The following KSR2 variants were observed in gnomAD, a reference collection of about 807,000 sequenced individuals.
The protein encoded by KSR2 is kinase suppressor of ras 2.
In KSR2, 25 loss-of-function variants were observed where a neutral mutation model predicts 107.8. That is an observed-to-expected ratio of 0.23 (90% CI 0.17 to 0.32). The LOEUF (loss-of-function observed/expected upper bound fraction) is 0.32. KSR2 is among the 10% of genes least tolerant of loss of function. The pLI is 1.00. For synonymous variants in KSR2, 480 were observed against 507.0 expected (o/e 0.95, Z 0.71); for missense variants, 887 against 1,268.9 (o/e 0.70, Z 4.57).
intron 5 of KSR2, among the ~76,000 whole-genome samples, chr12:117,618,775 G>A (rs1829209): frequency 0.16 from 24,684 of 151,906 alleles, 3,003 homozygotes; most frequent in African/African-American, 0.34. Context: ...GTGATTGTGA[G>A]GCCTCCCCAG....
intron 14 of KSR2, among the ~76,000 whole-genome samples, chr12:117,516,983 G>A (rs1423471174): frequency 6.6e-6 from 1 of 152,148 alleles, no homozygotes; most frequent in Non-Finnish European, 1.5e-5. Flanking sequence ...GCACATAAGT[G>A]AAGTGATGTG....
intron 14 of KSR2, among the ~76,000 whole-genome samples, chr12:117,491,663 G>A (rs974039065): frequency 2.0e-5 from 3 of 152,062 alleles, no homozygotes; most frequent in African/African-American, 7.2e-5. Context: ...TCCATATCTT[G>A]GCTATTGTGA....
chr12:117,525,767 A>G (rs1186971914), intron 13 of KSR2, among the ~76,000 whole-genome samples: 1 of 152,220 alleles, frequency 6.6e-6, no homozygotes, highest in Non-Finnish European at 1.5e-5. Flanking sequence ...AACATGGAGT[A>G]TCTTTTGCTT....
intron 14 of KSR2, among the ~76,000 whole-genome samples, chr12:117,493,737 G>T (rs1592925865): frequency 6.6e-6 from 1 of 152,162 alleles, no homozygotes; most frequent in Admixed American, 6.5e-5. Flanking sequence ...AACTTGAATT[G>T]TATCTCTCAG....
At chr12:117,785,817 T>C (rs1890050852) in intron 3 of KSR2, among the ~76,000 whole-genome samples, 1 of 152,018 alleles carries the variant, frequency 6.6e-6, no homozygotes, top group South Asian at 2.1e-4. Flanking sequence ...TTAGAGAATA[T>C]CAAAAGATCT....
chr12:117,653,610 A>G (rs1883994346), intron 5 of KSR2, among the ~76,000 whole-genome samples: 1 of 152,238 alleles, frequency 6.6e-6, no homozygotes, highest in Non-Finnish European at 1.5e-5. Context: ...AAATCCAACT[A>G]AAATCAGGGA....
At chr12:117,916,985 A>C (rs1895197215) in intron 1 of KSR2, among the ~76,000 whole-genome samples, 1 of 152,158 alleles carries the variant, frequency 6.6e-6, no homozygotes, top group Non-Finnish European at 1.5e-5. Flanking sequence ...CCTGGGCCCT[A>C]ATGATGTTTA....
At chr12:117,782,871 T>A (rs2136949213) in intron 3 of KSR2, among the ~76,000 whole-genome samples, 1 of 152,242 alleles carries the variant, frequency 6.6e-6, no homozygotes, top group Non-Finnish European at 1.5e-5. Flanking sequence ...GACCAGGACA[T>A]CTAGACCCCT....
At chr12:117,810,510 A>T (rs1420796912) in intron 3 of KSR2, among the ~76,000 whole-genome samples, 3 of 152,134 alleles carry the variant, frequency 2.0e-5, no homozygotes, top group African/African-American at 7.2e-5. Flanking sequence ...ATGAGGTCTC[A>T]CTACGTTGCC....
chr12:117,859,139 CTTTTTTT>C (rs34697963), intron 2 of KSR2, among the ~76,000 whole-genome samples: 3 of 81,094 alleles, frequency 3.7e-5, no homozygotes, highest in Admixed American at 1.6e-4. Context: ...ATGAGCTGAA[CTTTTTTT>C]TTTTTTTTTT....
rs553581132 is a variant in KSR2 at position 117,684,342 on chromosome 12, C to G, written c.987-16684G>C. 4.6e-5 allele frequency among the ~76,000 whole-genome samples: 7 copies of G among 152,320 alleles called. No individual in the cohort carries two copies. The South Asian group carries it at 1.4e-3, about 32-fold the overall frequency. On this transcript the variant is annotated intron_variant, in intron 4 of 19. Transcript: ENST00000339824. ...TGTTTAACTTCTTTCTGGCTCCCAG[C>G]ACCCAGCACAAAGCCTGGCATATAG...
chr12:117,763,471 C>T (rs1447169231), intron 3 of KSR2, among the ~76,000 whole-genome samples: 2 of 152,136 alleles, frequency 1.3e-5, no homozygotes, highest in African/African-American at 2.4e-5. Flanking sequence ...ATGCTAAGAG[C>T]TCTAAATGCA....
chr12:117,595,687 C>T (rs574063149), intron 5 of KSR2, among the ~76,000 whole-genome samples: 1 of 152,312 alleles, frequency 6.6e-6, no homozygotes, highest in East Asian at 1.9e-4. Flanking sequence ...TCTAATGTGA[C>T]CATTTAAAAG....
intron 5 of KSR2, among the ~76,000 whole-genome samples, chr12:117,588,755 G>C (rs1880152056): frequency 6.6e-6 from 1 of 152,212 alleles, no homozygotes; most frequent in African/African-American, 2.4e-5. Flanking sequence ...GTAGATGTGG[G>C]ATGTGACCTG....
rs1006627110 is a variant in KSR2, at chr12:117,682,738, A to C, written c.987-15080T>G. ...TGGCTGTATCTCAGAACTTAATATT[A>C]AAATTAAAAAGATCACTCTGCCAGA... On this transcript the variant is annotated intron_variant, in intron 4 of 19. Transcript: ENST00000339824. Among the ~76,000 whole-genome samples the C allele has an allele frequency of 3.9e-5, 6 of 152,224 alleles. No homozygotes were observed. In the East Asian group the frequency reaches 1.2e-3, roughly 29 times the overall value.
rs1237363825 is a variant in KSR2, at chr12:117,463,572, AAT to A, written c.*3625_*3626del. 2 of 152,180 alleles carry A rather than the reference AAT, an allele frequency of 1.3e-5. No individual in the cohort carries two copies. Among genetic ancestry groups the A allele is most frequent in the Non-Finnish European group, 2.9e-5 (2 of 68,042 alleles). The allele number at this position is 152,180 out of a possible 1,614,324, so 9.4% of individuals were successfully genotyped here. A position where few individuals can be genotyped will look rare whatever the true frequency, so the allele number is the denominator to read the frequency against. On this transcript the variant is annotated 3_prime_UTR_variant, in exon 20 of 20. Transcript: ENST00000339824. Reference sequence around the variant, plus strand: ...ATTTTGTTTATTGACATGAAATTTGAATGTTATAGAATTTTCATGTCATGAAA... The same window carrying A: ...ATTTTGTTTATTGACATGAAATTTGAGTTATAGAATTTTCATGTCATGAAA...
chr12:117,573,906 A>G (rs1166221044), intron 7 of KSR2, among the ~76,000 whole-genome samples: 2 of 152,214 alleles, frequency 1.3e-5, no homozygotes, highest in African/African-American at 2.4e-5. Context: ...ATGATGAAAA[A>G]GATTCCTATC....
At chr12:117,645,910 T>C (rs11610977) in intron 5 of KSR2, among the ~76,000 whole-genome samples, 8,120 of 139,948 alleles carry the variant, frequency 0.058, 406 homozygotes, top group East Asian at 0.16. Flanking sequence ...TGTGTGTGTG[T>C]GTGTACAGCT....
intron 1 of KSR2, among the ~76,000 whole-genome samples, chr12:117,923,213 A>G (rs1412682387): frequency 6.6e-6 from 1 of 152,164 alleles, no homozygotes; most frequent in Non-Finnish European, 1.5e-5. Context: ...TCAACTATCT[A>G]TCATCTATCT....
Sources: gnomAD v4.1 joint callset for allele counts (sites outside exome capture counted in the v4.1 genomes callset) on GRCh38, gnomAD v4.1.1 for gene constraint, MANE v1.5 for transcripts, NCBI Gene and HGNC (gene_info 2026-07-23, HGNC 2026-07-21) for gene names.